EXPH5: variants seen among roughly 807,000 people sequenced by gnomAD.
The protein encoded by EXPH5 is exophilin 5.
Under a neutral mutation model 41.1 loss-of-function variants are expected in EXPH5, and 42 were observed. The observed-to-expected ratio is 1.02, with a 90% CI of 0.80 to 1.32. The LOEUF is 1.32. EXPH5 is among the 40% of genes most tolerant of loss of function. EXPH5 has a pLI of 0.00. For missense variants in EXPH5, 2,298 were observed against 2,314.5 expected (o/e 0.99, Z 0.15); for synonymous variants, 798 against 833.5 (o/e 0.96, Z 0.73).
chr11:108,562,628 G>GAAAT (rs2094017992), intron 1 of EXPH5, among the ~76,000 whole-genome samples: 1 of 151,224 alleles, frequency 6.6e-6, no homozygotes, highest in Non-Finnish European at 1.5e-5. Context: ...AAGAAAGAAA[G>GAAAT]TAAAATTACA....
At chr11:108,593,865 C>G, upstream of EXPH5, 1 of 895,564 alleles carries the variant, frequency 1.1e-6, no homozygotes, top group Non-Finnish European at 1.7e-6. Flanking sequence ...TCCCGTCCCT[C>G]GTCCCCTCCC....
At chr11:108,563,809 T>A (rs900727889) in intron 1 of EXPH5, among the ~76,000 whole-genome samples, 2 of 152,230 alleles carry the variant, frequency 1.3e-5, no homozygotes, top group African/African-American at 4.8e-5. Context: ...TTCACTGTCC[T>A]AGGCGTCGCT....
intron 3 of EXPH5, among the ~76,000 whole-genome samples, chr11:108,531,516 C>T (rs148674583): frequency 6.6e-6 from 1 of 152,164 alleles, no homozygotes; most frequent in Non-Finnish European, 1.5e-5. Flanking sequence ...AATCCAGAAC[C>T]CTTTAAGTCT....
chr11:108,583,675 A>C (rs1377993250), intron 1 of EXPH5, among the ~76,000 whole-genome samples: 3 of 151,742 alleles, frequency 2.0e-5, no homozygotes, highest in African/African-American at 7.3e-5. Flanking sequence ...AAATTAACAA[A>C]AAAATAAAAA....
intron 3 of EXPH5, among the ~76,000 whole-genome samples, chr11:108,530,723 A>G (rs1201711876): frequency 6.6e-6 from 1 of 152,152 alleles, no homozygotes; most frequent in Non-Finnish European, 1.5e-5. Context: ...GGTTTCTGAG[A>G]ATGGCAGGTG....
At position 108,511,337 on chromosome 11, in the gene EXPH5, T is replaced by C. The variant is rs1002734861; in HGVS notation, c.4170A>G (p.Gln1390=). The C allele has an allele frequency of 6.3e-6, 10 of 1,580,332 alleles. No homozygotes were observed. The Admixed American group carries it at 1.3e-4, about 21-fold the overall frequency. ...ENKKERGKKL[Q]SETLHTSLML... ...TCAATGAAGTATGCAGGGTTTCACT[T>C]TGCAACTTTTTGCCTCTTTCCTTCT... The change falls in exon 6 of 6, where the codon CAA becomes CAG. Residue 1390 remains glutamine (Q), a synonymous_variant. Coordinates refer to ENST00000265843, the MANE Select transcript of EXPH5 (RefSeq NM_015065.3).
At chr11:108,573,752 AG>A (rs2094070628) in intron 1 of EXPH5, among the ~76,000 whole-genome samples, 1 of 152,196 alleles carries the variant, frequency 6.6e-6, no homozygotes, top group African/African-American at 2.4e-5. Flanking sequence ...ATTAAGACGA[AG>A]TGAATATTAC....
Position 108,521,674 on chromosome 11 carries a change from C to T in EXPH5, c.493-3301G>A, listed in dbSNP as rs2093765729. On this transcript the variant is annotated intron_variant, in intron 4 of 5. Coordinates refer to ENST00000265843, the MANE Select transcript of EXPH5 (RefSeq NM_015065.3). Reference sequence around the variant, plus strand: ...CATCAAAGTGTTCCCTTTTGTCTGTCCAACTCAGAGGTTACCCTACATCAA... The same window carrying T: ...CATCAAAGTGTTCCCTTTTGTCTGTTCAACTCAGAGGTTACCCTACATCAA... Among the ~76,000 whole-genome samples the T allele has an allele frequency of 2.0e-5, 3 of 152,200 alleles. No homozygotes were observed. In the South Asian group the frequency reaches 6.2e-4, roughly 32 times the overall value.
At chr11:108,599,880 A>C in the EXPH5 span, among the ~76,000 whole-genome samples, 33 of 152,232 alleles carry the variant, frequency 2.2e-4, no homozygotes, top group Admixed American at 3.3e-4. Flanking sequence ...ACCTGAGAGA[A>C]GGAATGCCAT....
At position 108,509,914 on chromosome 11, in the gene EXPH5, C is replaced by G; in HGVS notation, c.5593G>C (p.Ala1865Pro). 3.1e-6 allele frequency: 5 copies of G among 1,609,562 alleles called. No individual in the cohort carries two copies. The highest frequency in any genetic ancestry group is 4.2e-6 in the Non-Finnish European group (5 of 1,178,276). The change falls in exon 6 of 6, where the codon GCT becomes CCT. Residue 1865 changes from alanine (A) to proline (P), a missense_variant. Coordinates refer to ENST00000265843, the MANE Select transcript of EXPH5 (RefSeq NM_015065.3). ...LPSCDGNESW[A>P]YRSGTKTGPR... ...CCTGTTTTTGTCCCGCTGCGATAAG[C>G]CCAACTTTCATTTCCATCACAGGAG... is the stretch of plus-strand genomic sequence containing the variant.
At chr11:108,578,902 CAG>C (rs1442134706) in intron 1 of EXPH5, among the ~76,000 whole-genome samples, 4 of 152,096 alleles carry the variant, frequency 2.6e-5, no homozygotes. Flanking sequence ...AGCTTTTTTG[CAG>C]AGTCTTTAGG....
chr11:108,586,735 A>T (rs919879603), intron 1 of EXPH5, among the ~76,000 whole-genome samples: 3 of 150,608 alleles, frequency 2.0e-5, no homozygotes, highest in Middle Eastern at 3.4e-3. Flanking sequence ...ATATAAAAAA[A>T]CACAACTTTT....
At position 108,547,925 on chromosome 11, in the gene EXPH5, C is replaced by T. The variant is rs183580943; in HGVS notation, c.120-6113G>A. ...AGTAGTTCAAGACCAGCCTGGCCAA[C>T]ATGGCGAAACACCATCTCTACTAAA... On this transcript the variant is annotated intron_variant, in intron 1 of 5. Transcript: ENST00000265843. Among the ~76,000 whole-genome samples, 985 of 152,092 alleles carry T rather than the reference C, an allele frequency of 6.5e-3. 10 individuals carry two copies. The highest frequency in any genetic ancestry group is 0.024 in the Middle Eastern group (7 of 294).
At chr11:108,551,100 C>T (rs1387922881) in intron 1 of EXPH5, among the ~76,000 whole-genome samples, 1 of 152,176 alleles carries the variant, frequency 6.6e-6, no homozygotes, top group Admixed American at 6.5e-5. Context: ...TGCCAATCCT[C>T]ACCCTAACAC....
At chr11:108,571,445 T>C (rs971968636) in intron 1 of EXPH5, among the ~76,000 whole-genome samples, 1 of 152,178 alleles carries the variant, frequency 6.6e-6, no homozygotes, top group African/African-American at 2.4e-5. Context: ...CTCTCCTTGA[T>C]GCACTCCCCA....
intron 1 of EXPH5, among the ~76,000 whole-genome samples, chr11:108,545,355 C>T (rs1012784257): frequency 2.0e-5 from 3 of 151,990 alleles, no homozygotes; most frequent in Non-Finnish European, 2.9e-5. Context: ...TGTGGAAGGC[C>T]GCCTATGGTG....
At chr11:108,538,931 G>T in intron 3 of EXPH5, 93 bp downstream of exon 3, 2 of 1,144,050 alleles carry the variant, frequency 1.7e-6, no homozygotes, top group Non-Finnish European at 1.2e-6. Context: ...GAAATTCTAA[G>T]AACAAACATT....
At position 108,510,377 on chromosome 11, in the gene EXPH5, T is replaced by C. The variant is rs930534489; in HGVS notation, c.5130A>G (p.Pro1710=). 5 of 1,613,946 alleles carry C rather than the reference T, an allele frequency of 3.1e-6. No homozygotes were observed. The African/African-American group carries it at 6.7e-5, about 22-fold the overall frequency. ...CGTCTTTAGAATTCTCATGCTTTGA[T>C]GGTGATTCTGAGACGTTTTTAAACT... is the stretch of plus-strand genomic sequence containing the variant. The part of the protein sequence containing the change: ...QNEFKNVSES[P]SKHENSKDVT... The change falls in exon 6 of 6, where the codon CCA becomes CCG. Residue 1710 remains proline (P), a synonymous_variant. Transcript: ENST00000265843.
At position 108,514,777 on chromosome 11, in the gene EXPH5, G is replaced by A. The variant is rs528007080; in HGVS notation, c.730C>T (p.His244Tyr). ...LNYGSRTQFGHFYSSGNRHGN... is the reference protein window; with the variant it reads ...LNYGSRTQFGYFYSSGNRHGN... ...TGTCTGTTACCACTGGAATAAAAGT[G>A]ACCGAACTGTGTTCTTGATCCATAG... Residue 244 changes from histidine (H) to tyrosine (Y), a missense_variant, in exon 6 of 6, where the codon CAC (histidine) becomes TAC (tyrosine). His to Tyr is a moderately conservative substitution (Grantham distance 83, BLOSUM62 2). Coordinates refer to ENST00000265843, the MANE Select transcript of EXPH5 (RefSeq NM_015065.3). The A allele has an allele frequency of 6.2e-7, 1 of 1,609,694 alleles. No individual in the cohort carries two copies.
Sources: gnomAD v4.1 joint callset for allele counts (sites outside exome capture counted in the v4.1 genomes callset) on GRCh38, gnomAD v4.1.1 for gene constraint, MANE v1.5 for transcripts, NCBI Gene and HGNC (gene_info 2026-07-23, HGNC 2026-07-21) for gene names.